The following CD177 variants were observed in gnomAD, a reference collection of about 807,000 sequenced individuals.
CD177 encodes CD177 molecule.
Under a neutral mutation model 38.1 loss-of-function variants are expected in CD177, and 41 were observed. That is an observed-to-expected ratio of 1.07 (90% CI 0.84 to 1.39). CD177 has a LOEUF of 1.39. Ranked by LOEUF, CD177 falls within the 40% of genes most tolerant of loss-of-function variation. CD177 has a pLI of 0.00. For synonymous variants in CD177, 236 were observed against 216.7 expected (o/e 1.09, Z -0.78); for missense variants, 619 against 523.8 (o/e 1.18, Z -1.77).
chr19:43,360,137 A>G lies in CD177; in HGVS notation c.620-128A>G, dbSNP rs1007817442. The G allele has an allele frequency of 6.4e-4, 716 of 1,110,998 alleles. 8 individuals carry two copies. The African/African-American group carries it at 8.5e-3, about 13-fold the overall frequency. The allele number at this position is 1,110,998 out of a possible 1,614,324, so 68.8% of individuals were successfully genotyped here. ...CCAAGTCCCTTCTGAATCCTTGGTT[A>G]AGGGAATCTGTGGCCAGGTCACCTG... On this transcript the variant is annotated intron_variant, in intron 5 of 8. Coordinates refer to ENST00000618265, the MANE Select transcript of CD177 (RefSeq NM_020406.4).
At chr19:43,361,801 G>T (rs1208372141) in intron 8 of CD177, among the ~76,000 whole-genome samples, 9 of 148,894 alleles carry the variant, frequency 6.0e-5, no homozygotes, top group African/African-American at 2.2e-4. Flanking sequence ...GAGGGGCTGG[G>T]TGCCTGGACT....
intron 4 of CD177, 42 bp from the exon 5 acceptor site, chr19:43,355,950 G>A (rs1369960550): frequency 6.4e-6 from 5 of 780,574 alleles, no homozygotes; most frequent in East Asian, 2.7e-5. Context: ...GGTGGTCCTG[G>A]AGGCAGCATC....
At chr19:43,355,939 G>C (rs1427984882) in intron 4 of CD177, 53 bp from the exon 5 acceptor site, 1 of 907,442 alleles carries the variant, frequency 1.1e-6, no homozygotes, top group Non-Finnish European at 1.8e-6. Flanking sequence ...TCTGAGGGTT[G>C]GGTGGTCCTG....
At chr19:43,354,071 C>A in intron 2 of CD177, 78 bp downstream of exon 2, 1 of 1,574,844 alleles carries the variant, frequency 6.3e-7, no homozygotes, top group Non-Finnish European at 8.6e-7. Flanking sequence ...CCGGGAGCCA[C>A]CCCTCCGGGG....
In CD177 at chr19:43,362,436, T is replaced by A. The variant is rs1055459765; in HGVS notation, c.*116T>A. On this transcript the variant is annotated 3_prime_UTR_variant, in exon 9 of 9. Coordinates refer to ENST00000618265, the MANE Select transcript of CD177 (RefSeq NM_020406.4). Reference sequence around the variant, plus strand: ...TCTTTCCCATTCTGTCCATGAATCATCTTCCCCACACACAATCATTCATAT... The same window carrying A: ...TCTTTCCCATTCTGTCCATGAATCAACTTCCCCACACACAATCATTCATAT... 28 of 589,776 alleles carry A rather than the reference T, an allele frequency of 4.7e-5. No individual in the cohort carries two copies. The African/African-American group carries it at 5.2e-4, about 11-fold the overall frequency. The allele number at this position is 589,776 out of a possible 1,614,324, so 36.5% of individuals were successfully genotyped here. A position where few individuals can be genotyped will look rare whatever the true frequency, so the allele number is the denominator to read the frequency against.
intron 8 of CD177, 122 bp from the exon 9 acceptor site, chr19:43,361,966 G>T (rs1969975382): frequency 7.7e-6 from 6 of 778,750 alleles, no homozygotes; most frequent in Non-Finnish European, 1.2e-5. Flanking sequence ...GGTCTGAGGA[G>T]CTGGAGCTGG....
chr19:43,360,779 C>T, intron 6 of CD177: 1 of 443,252 alleles, frequency 2.3e-6, no homozygotes, highest in Non-Finnish European at 4.1e-6. Flanking sequence ...CCTTGAGAAA[C>T]AGGAAACAAA....
chr19:43,355,307 T>C (rs1312307019), intron 3 of CD177, among the ~76,000 whole-genome samples: 1 of 150,788 alleles, frequency 6.6e-6, no homozygotes, highest in Non-Finnish European at 1.5e-5. Context: ...AGAGACAGGG[T>C]TTCACTATGT....
chr19:43,361,673 T>C (rs1478768676), intron 8 of CD177, 94 bp downstream of exon 8: 4 of 1,283,802 alleles, frequency 3.1e-6, no homozygotes, highest in Non-Finnish European at 4.2e-6. Context: ...GGACTCCTGG[T>C]CCGAGGGAGG....
chr19:43,355,812 G>A (rs190200494), intron 4 of CD177, 29 bp downstream of exon 4: 385 of 1,612,186 alleles, frequency 2.4e-4, no homozygotes, highest in East Asian at 2.1e-3. Flanking sequence ...GGTCCCTGTG[G>A]GGACTGAACT....
chr19:43,354,997 T>C (rs1042104651), intron 3 of CD177, among the ~76,000 whole-genome samples: 5 of 150,838 alleles, frequency 3.3e-5, no homozygotes, highest in Admixed American at 3.3e-4. Flanking sequence ...GTTGAAAGGT[T>C]CAGACTTGAC....
At position 43,362,168 on chromosome 19, in the gene CD177, G is replaced by A. The variant is rs369478901; in HGVS notation, c.1162G>A (p.Gly388Arg). The A allele has an allele frequency of 5.9e-5, 95 of 1,613,612 alleles. No individual in the cohort carries two copies. Among genetic ancestry groups the A allele is most frequent in the South Asian group, 2.9e-4 (26 of 91,082 alleles). Residue 388 changes from glycine (G) to arginine (R), a missense_variant, in exon 9 of 9, where the codon GGG becomes AGG. Physicochemically the swap from Gly to Arg is moderately radical, Grantham distance 125. Transcript: ENST00000618265. The part of the protein sequence containing the change: ...SFLLNHTRQI[G>R]IFSAREKRDV... The stretch of plus-strand genomic sequence containing the variant: ...CTTGTTGAACCACACCAGACAAATC[G>A]GGATCTTCTCTGCGCGTGAGAAGCG...
At position 43,353,728 on chromosome 19, in the gene CD177, T is replaced by C. The variant is rs1199550988; in HGVS notation, c.14T>C (p.Leu5Ser). Reference sequence around the variant, plus strand: ...CACAGACGGGTCATGAGCGCGGTATTACTGCTGGCCCTCCTGGGGTTCATC... The same window carrying C: ...CACAGACGGGTCATGAGCGCGGTATCACTGCTGGCCCTCCTGGGGTTCATC... MSAV[L>S]LLALLGFILP... The change falls in exon 1 of 9, where the codon TTA (leucine) becomes TCA (serine). Residue 5 changes from leucine to serine, a missense_variant. Physicochemically the swap from Leu to Ser is moderately radical, Grantham distance 145 (BLOSUM62 -2). Coordinates refer to ENST00000618265, the MANE Select transcript of CD177 (RefSeq NM_020406.4). 1 of 1,613,852 alleles carries C rather than the reference T, an allele frequency of 6.2e-7. No individual in the cohort carries two copies. The highest frequency in any genetic ancestry group is 1.7e-5 in the Admixed American group (1 of 60,016).
chr19:43,363,373 CAGAGAGAG>C (rs10572342), downstream of CD177, among the ~76,000 whole-genome samples: 10 of 148,972 alleles, frequency 6.7e-5, no homozygotes, highest in African/African-American at 2.0e-4. Flanking sequence ...AATCTGCAGA[CAGAGAGAG>C]AGAGAGAGAG....
In CD177 at chr19:43,361,444, G is replaced by A. The variant is rs1969962351; in HGVS notation, c.947-1G>A. 1.3e-6 allele frequency: 2 copies of A among 1,591,096 alleles called. No homozygotes were observed. Among genetic ancestry groups the A allele is most frequent in the Non-Finnish European group, 1.7e-6 (2 of 1,164,832 alleles). On this transcript the variant is annotated splice_acceptor_variant, in intron 7 of 8. Coordinates refer to ENST00000618265, the MANE Select transcript of CD177 (RefSeq NM_020406.4). LOFTEE classifies it high-confidence loss of function. The stretch of plus-strand genomic sequence containing the variant: ...ACCCCCACCTTCCCTCTGCTCCCCA[G>A]CTGCCCCTGTCCCAGGAGACCGGCA...
chr19:43,356,152 G>A (rs1568444113), intron 5 of CD177, 44 bp downstream of exon 5: 2 of 472,500 alleles, frequency 4.2e-6, no homozygotes, highest in Non-Finnish European at 3.7e-6. Flanking sequence ...CAGCCTCGGG[G>A]CACGATGACA....
At chr19:43,360,937 C>A (rs62114799) in intron 6 of CD177, 1 of 608,412 alleles carries the variant, frequency 1.6e-6, no homozygotes. Context: ...GACCTTTGAG[C>A]GAGAACTGGG....
chr19:43,360,227 T>C (rs1390654776), intron 5 of CD177, 38 bp from the exon 6 acceptor site: 5 of 1,606,188 alleles, frequency 3.1e-6, no homozygotes, highest in Non-Finnish European at 4.3e-6. Flanking sequence ...ACATGGTGGG[T>C]TCCTGGCTTA....
chr19:43,355,512 C>T lies in CD177; in HGVS notation c.380-149C>T, dbSNP rs774474531. 1.2e-5 allele frequency: 10 copies of T among 860,884 alleles called. No homozygotes were observed. In the Admixed American group the frequency reaches 1.9e-4, roughly 16 times the overall value. The allele number at this position is 860,884 out of a possible 1,614,324, so 53.3% of individuals were successfully genotyped here. ...TTACACTTCTTTATTTTCCCACATC[C>T]AGATCCCATGATGGGAGCTGCAGAA... On this transcript the variant is annotated intron_variant, in intron 3 of 8. Transcript: ENST00000618265.
Sources: allele counts gnomAD v4.1 joint callset (sites outside exome capture counted in the v4.1 genomes callset), GRCh38; gene constraint gnomAD v4.1.1; transcripts MANE v1.5; gene names NCBI Gene and HGNC (gene_info 2026-07-23, HGNC 2026-07-21).